Variants in MRPS6 observed in about 807,000 individuals in gnomAD.
The protein encoded by MRPS6 is mitochondrial ribosomal protein S6.
A neutral mutation model predicts 13.1 loss-of-function variants in MRPS6; 6 were observed. The observed-to-expected ratio is 0.46, with a 90% confidence interval of 0.25 to 0.91. MRPS6 has a LOEUF of 0.91. MRPS6 is among the 40% of genes least tolerant of loss of function. The pLI is 0.18. For synonymous variants in MRPS6, 61 were observed against 56.5 expected, an observed-to-expected ratio of 1.08 and a Z score of -0.36; for missense variants, 164 against 155.6, an observed-to-expected ratio of 1.05 and a Z score of -0.29.
chr21:34,100,183 G>A (rs1416628846), intron 1 of MRPS6: 2 of 1,000,184 alleles, frequency 2.0e-6, no homozygotes, highest in Non-Finnish European at 2.4e-6. Context: ...GGAAGGTAGA[G>A]AAAAATAAAT....
At chr21:34,092,384 T>G (rs1255882505) in intron 1 of MRPS6, among the ~76,000 whole-genome samples, 5 of 138,028 alleles carry the variant, frequency 3.6e-5, no homozygotes, top group Admixed American at 7.3e-5. Context: ...ACCCACAGAG[T>G]GGTATGGTAT....
chr21:34,139,670 T>G (rs1007147560), intron 2 of MRPS6, among the ~76,000 whole-genome samples: 2 of 152,062 alleles, frequency 1.3e-5, no homozygotes, highest in African/African-American at 4.8e-5. Flanking sequence ...GTGGACCTCC[T>G]GGGTTCAAGT....
intron 1 of MRPS6, among the ~76,000 whole-genome samples, chr21:34,115,234 C>T (rs1476160414): frequency 6.6e-6 from 1 of 152,156 alleles, no homozygotes; most frequent in Non-Finnish European, 1.5e-5. Flanking sequence ...AACCTCCATT[C>T]TTCTCTGAGT....
chr21:34,088,528 T>C (rs922886677), intron 1 of MRPS6, among the ~76,000 whole-genome samples: 5 of 152,276 alleles, frequency 3.3e-5, no homozygotes, highest in Non-Finnish European at 7.3e-5. Flanking sequence ...TTGTTACATA[T>C]CCATCTTGTG....
At chr21:34,112,381 G>A (rs531972372) in intron 1 of MRPS6, among the ~76,000 whole-genome samples, 1 of 151,962 alleles carries the variant, frequency 6.6e-6, no homozygotes, top group East Asian at 1.9e-4. Flanking sequence ...ATACCTATGG[G>A]GTTACAGAAG....
intron 2 of MRPS6, among the ~76,000 whole-genome samples, chr21:34,134,940 G>A (rs1032424285): frequency 1.3e-5 from 2 of 152,254 alleles, no homozygotes; most frequent in East Asian, 1.9e-4. Flanking sequence ...TATTAAATGC[G>A]TTTTCAACAT....
chr21:34,141,579 C>CT (rs765533300), intron 2 of MRPS6, among the ~76,000 whole-genome samples: 21 of 152,322 alleles, frequency 1.4e-4, no homozygotes, highest in Non-Finnish European at 2.4e-4. Context: ...ACGAAAATTT[C>CT]ATAGTTTTAA....
At chr21:34,083,374 G>A (rs1264326128) in intron 1 of MRPS6, among the ~76,000 whole-genome samples, 5 of 152,166 alleles carry the variant, frequency 3.3e-5, no homozygotes, top group African/African-American at 7.2e-5. Context: ...CAGATGCCCC[G>A]TGTATGAATT....
At chr21:34,125,503 G>T in intron 2 of MRPS6, 23 bp downstream of exon 2, 1 of 1,611,240 alleles carries the variant, frequency 6.2e-7, no homozygotes, top group Non-Finnish European at 8.5e-7. Context: ...ATGAAGTCTT[G>T]AAAGACGTTT....
intron 1 of MRPS6, among the ~76,000 whole-genome samples, chr21:34,119,142 T>C (rs1366104386): frequency 1.3e-5 from 2 of 152,208 alleles, no homozygotes; most frequent in Non-Finnish European, 2.9e-5. Flanking sequence ...AATAAATTGT[T>C]GGGCAAAAGA....
At chr21:34,076,300 T>G (rs1989329468) in intron 1 of MRPS6, among the ~76,000 whole-genome samples, 1 of 152,194 alleles carries the variant, frequency 6.6e-6, no homozygotes. Flanking sequence ...GACCCTAGCT[T>G]GACTCCTTTA....
At chr21:34,100,253 T>G (rs1362235457) in intron 1 of MRPS6, 10 of 1,000,250 alleles carry the variant, frequency 1.0e-5, no homozygotes, top group Non-Finnish European at 1.2e-5. Flanking sequence ...CAGGCAATTT[T>G]CATCTCAAGA....
At chr21:34,089,072 G>A (rs1978548661) in intron 1 of MRPS6, among the ~76,000 whole-genome samples, 1 of 152,098 alleles carries the variant, frequency 6.6e-6, no homozygotes, top group Admixed American at 6.5e-5. Flanking sequence ...TGTTGCCCAG[G>A]CTGGAGTGCA....
chr21:34,139,348 G>A (rs1035870784), intron 2 of MRPS6, among the ~76,000 whole-genome samples: 1 of 151,796 alleles, frequency 6.6e-6, no homozygotes, highest in Non-Finnish European at 1.5e-5. Flanking sequence ...AAAAAAAATT[G>A]GTATTTTTGC....
chr21:34,103,114 T>C, intron 1 of MRPS6: 1 of 1,000,122 alleles, frequency 1.0e-6, no homozygotes, highest in Non-Finnish European at 1.2e-6. Flanking sequence ...AAACGAGGCT[T>C]ATTGCTATTG....
At chr21:34,111,231 A>G (rs1315769660) in intron 1 of MRPS6, among the ~76,000 whole-genome samples, 2 of 152,212 alleles carry the variant, frequency 1.3e-5, no homozygotes, top group South Asian at 2.1e-4. Flanking sequence ...GCAAATTGGC[A>G]TATATGGATT....
At chr21:34,140,714 G>C (rs1980878246) in intron 2 of MRPS6, among the ~76,000 whole-genome samples, 1 of 152,006 alleles carries the variant, frequency 6.6e-6, no homozygotes, top group African/African-American at 2.4e-5. Context: ...CAGTTCTGCT[G>C]TTCTTATATG....
chr21:34,115,072 G>C (rs922660005), intron 1 of MRPS6, among the ~76,000 whole-genome samples: 1 of 152,128 alleles, frequency 6.6e-6, no homozygotes, highest in Non-Finnish European at 1.5e-5. Flanking sequence ...TGCTTTTTAC[G>C]TTTGCAAATT....
chr21:34,100,558 G>A (rs1409357265), intron 1 of MRPS6: 31 of 1,000,102 alleles, frequency 3.1e-5, no homozygotes, highest in Non-Finnish European at 3.7e-5. Flanking sequence ...ATTGTATTTT[G>A]GCACAAAGAG....
Sources: gnomAD v4.1 joint callset for allele counts (sites outside exome capture counted in the v4.1 genomes callset) on GRCh38, gnomAD v4.1.1 for gene constraint, MANE v1.5 for transcripts, NCBI Gene and HGNC (gene_info 2026-07-23, HGNC 2026-07-21) for gene names.